GK5: variants seen among roughly 807,000 people sequenced by gnomAD.
GK5 encodes ATP:glycerol 3-phosphotransferase 5.
A neutral mutation model predicts 77.3 loss-of-function variants in GK5; 39 were observed. The ratio of observed to expected loss-of-function variants is 0.50; its 90% CI spans 0.39 to 0.66. The LOEUF is 0.66. Among genes scored for constraint, GK5 ranks in the 30% least tolerant of loss-of-function variants. The pLI is 0.00. For synonymous variants in GK5, 211 were observed against 208.0 expected (o/e 1.01, Z -0.13); for missense variants, 487 against 633.8 (o/e 0.77, Z 2.49).
chr3:142,168,087 G>A (rs1338817639), intron 15 of GK5, among the ~76,000 whole-genome samples: 2 of 152,276 alleles, frequency 1.3e-5, no homozygotes, highest in Non-Finnish European at 2.9e-5. Context: ...AAATGTTCAA[G>A]AGAATCTGAC....
chr3:142,183,221 T>C lies in GK5; in HGVS notation c.817-172A>G, dbSNP rs2063720997. 1.2e-5 allele frequency: 7 copies of C among 572,692 alleles called. No homozygotes were observed. In the Admixed American group the frequency reaches 1.2e-4, roughly 10 times the overall value. 35.5% of individuals were successfully genotyped at this position (572,692 alleles called of 1,614,324 possible). ...AGAATAGGGAGCAACAACCATAGGA[T>C]AGGAGTCTCCCTAGGACTAATACTC... On this transcript the variant is annotated intron_variant, in intron 9 of 15. Coordinates refer to ENST00000392993, the MANE Select transcript of GK5 (RefSeq NM_001039547.3).
chr3:142,198,724 T>C, intron 5 of GK5, 78 bp downstream of exon 5: 1 of 1,237,994 alleles, frequency 8.1e-7, no homozygotes, highest in Non-Finnish European at 1.1e-6. Flanking sequence ...TTTATTCCTT[T>C]AATTTTTTCT....
chr3:142,191,870 G>A lies in GK5; in HGVS notation c.544-4091C>T, dbSNP rs144978707. Among the ~76,000 whole-genome samples, 1,096 of 151,948 alleles carry A rather than the reference G, an allele frequency of 7.2e-3. 20 individuals carry two copies. The highest frequency in any genetic ancestry group is 0.025 in the African/African-American group (1,054 of 41,424). On this transcript the variant is annotated intron_variant, in intron 5 of 15. Transcript: ENST00000392993. ...ACATTAGCCGGGCATGGTGGCACACGCCTGTAGTCCCAGTTACTCAGGAGG... is the reference window on the plus strand; with the variant it reads ...ACATTAGCCGGGCATGGTGGCACACACCTGTAGTCCCAGTTACTCAGGAGG...
Position 142,200,094 on chromosome 3 carries a change from T to TACAC in GK5, c.412-1162_412-1161insGTGT, listed in dbSNP as rs533668898. On this transcript the variant is annotated intron_variant, in intron 4 of 15. Coordinates refer to ENST00000392993, the MANE Select transcript of GK5 (RefSeq NM_001039547.3). The stretch of plus-strand genomic sequence containing the variant: ...CTCACACCTTCTTTATTTCTATATA[T>TACAC]ATATACACACACACACACACACACA... Among the ~76,000 whole-genome samples, 140 of 148,552 alleles carry TACAC rather than the reference T, an allele frequency of 9.4e-4. 2 individuals carry two copies. The South Asian group carries it at 0.024, about 26-fold the overall frequency.
At chr3:142,224,571 A>C (rs1290027609) in intron 1 of GK5, among the ~76,000 whole-genome samples, 1 of 152,250 alleles carries the variant, frequency 6.6e-6, no homozygotes, top group Non-Finnish European at 1.5e-5. Flanking sequence ...AGGCTTTACT[A>C]ACAACCAACC....
At chr3:142,219,759 T>C (rs2064317644) in intron 1 of GK5, among the ~76,000 whole-genome samples, 1 of 152,310 alleles carries the variant, frequency 6.6e-6, no homozygotes, top group Non-Finnish European at 1.5e-5. Flanking sequence ...GAGAATTGCT[T>C]GAGCCCAGGA....
intron 5 of GK5, among the ~76,000 whole-genome samples, chr3:142,194,324 G>A (rs1390081963): frequency 1.3e-5 from 2 of 151,912 alleles, no homozygotes; most frequent in East Asian, 2.0e-4. Flanking sequence ...TCAGGAGTTC[G>A]AGACCAGCCT....
At chr3:142,168,721 T>TCCCCACCC (rs1380064853) in intron 15 of GK5, among the ~76,000 whole-genome samples, 25 of 132,824 alleles carry the variant, frequency 1.9e-4, no homozygotes, top group Admixed American at 1.7e-3. Flanking sequence ...CTTTCTATGG[T>TCCCCACCC]CCCCACCCCC....
intron 2 of GK5, among the ~76,000 whole-genome samples, chr3:142,214,315 T>C (rs1009111613): frequency 6.6e-6 from 1 of 152,244 alleles, no homozygotes; most frequent in Non-Finnish European, 1.5e-5. Flanking sequence ...GAAAGTAGTC[T>C]AATTATTGAA....
At chr3:142,202,964 A>C (rs2107790408) in intron 4 of GK5, among the ~76,000 whole-genome samples, 1 of 152,362 alleles carries the variant, frequency 6.6e-6, no homozygotes, top group South Asian at 2.1e-4. Flanking sequence ...CATATTACAG[A>C]AGTAAATGTT....
intron 5 of GK5, among the ~76,000 whole-genome samples, chr3:142,193,064 A>G (rs1327587030): frequency 6.6e-6 from 1 of 152,182 alleles, no homozygotes; most frequent in African/African-American, 2.4e-5. Context: ...ACTACAGTGT[A>G]TAATAGTACT....
chr3:142,189,271 C>T (rs1442033728), intron 5 of GK5, among the ~76,000 whole-genome samples: 3 of 151,998 alleles, frequency 2.0e-5, no homozygotes, highest in Non-Finnish European at 2.9e-5. Context: ...CAAATGGAAA[C>T]ATTTAAAGAT....
intron 14 of GK5, 69 bp downstream of exon 14, chr3:142,171,350 G>A (rs531556409): frequency 1.5e-6 from 2 of 1,320,040 alleles, no homozygotes; most frequent in East Asian, 2.9e-5. Flanking sequence ...AGAAATGAGT[G>A]GTAGCTCATA....
intron 9 of GK5, chr3:142,185,645 A>G: frequency 8.2e-7 from 1 of 1,212,670 alleles, no homozygotes; most frequent in Non-Finnish European, 1.0e-6. Context: ...TCAGAATTAA[A>G]AAAAATTTTT....
chr3:142,205,388 G>GCTTTCTAC (rs1351619351), intron 3 of GK5, among the ~76,000 whole-genome samples: 1 of 152,164 alleles, frequency 6.6e-6, no homozygotes, highest in Non-Finnish European at 1.5e-5. Context: ...AGTCAAGTTT[G>GCTTTCTAC]CTTTCTACCC....
chr3:142,194,933 G>A (rs1489114828), intron 5 of GK5, among the ~76,000 whole-genome samples: 1 of 151,000 alleles, frequency 6.6e-6, no homozygotes, highest in African/African-American at 2.4e-5. Flanking sequence ...TGGTGAGAGT[G>A]GAAATCTTTG....
intron 4 of GK5, among the ~76,000 whole-genome samples, chr3:142,203,239 T>C (rs2064054206): frequency 6.6e-6 from 1 of 152,176 alleles, no homozygotes; most frequent in Admixed American, 6.5e-5. Context: ...TGCAGCAAGG[T>C]ACATTTTTCT....
At chr3:142,185,844 T>C in intron 9 of GK5, 85 bp downstream of exon 9, 1 of 1,555,634 alleles carries the variant, frequency 6.4e-7, no homozygotes, top group Non-Finnish European at 8.7e-7. Flanking sequence ...AGACCTTCTG[T>C]TTCTCTTAAA....
chr3:142,221,108 G>C (rs936031257), intron 1 of GK5, among the ~76,000 whole-genome samples: 1 of 152,122 alleles, frequency 6.6e-6, no homozygotes, highest in African/African-American at 2.4e-5. Flanking sequence ...GTATGAAAAG[G>C]CCAAAATAAA....
Sources: allele counts gnomAD v4.1 joint callset (sites outside exome capture counted in the v4.1 genomes callset), GRCh38; gene constraint gnomAD v4.1.1; transcripts MANE v1.5; gene names NCBI Gene and HGNC (gene_info 2026-07-23, HGNC 2026-07-21).